The following CACNA1I variants were observed in gnomAD, a reference collection of about 807,000 sequenced individuals.
CACNA1I encodes the protein voltage-dependent T-type calcium channel subunit alpha-1I.
CACNA1I carries 74 observed loss-of-function variants against 201.6 expected under a neutral mutation model. The observed-to-expected ratio is 0.37, with a 90% CI of 0.30 to 0.45. CACNA1I has a LOEUF of 0.45. Among genes scored for constraint, CACNA1I ranks in the 20% least tolerant of loss-of-function variants. The probability of loss-of-function intolerance (pLI) is 1.00; values close to 1 mark genes in which losing one functional copy is unlikely to be tolerated. For missense variants in CACNA1I, 2,346 were observed against 3,138.1 expected (o/e 0.75, Z 6.03); for synonymous variants, 1,431 against 1,345.2 (o/e 1.06, Z -1.40).
intron 3 of CACNA1I, 90 bp downstream of exon 3, chr22:39,600,743 G>A (rs1569055956): frequency 1.4e-6 from 2 of 1,433,224 alleles, no homozygotes; most frequent in East Asian, 2.6e-5. Context: ...TGGCGATGAA[G>A]GGGAATCACG....
intron 1 of CACNA1I, among the ~76,000 whole-genome samples, chr22:39,579,066 T>G (rs1030946463): frequency 1.3e-5 from 2 of 152,248 alleles, no homozygotes; most frequent in Admixed American, 6.5e-5. Context: ...AGTTGTTTGC[T>G]GCTAGCTTTG....
At chr22:39,644,877 A>G (rs939585688) in intron 7 of CACNA1I, among the ~76,000 whole-genome samples, 9 of 151,394 alleles carry the variant, frequency 5.9e-5, no homozygotes, top group African/African-American at 2.2e-4. Flanking sequence ...TTTTTGAGAC[A>G]GTGTCTTGCT....
At position 39,686,442 on chromosome 22, in the gene CACNA1I, C is replaced by T. The variant is rs907129777; in HGVS notation, c.*37C>T. The T allele has an allele frequency of 2.2e-5, 26 of 1,199,260 alleles. No homozygotes were observed. Among genetic ancestry groups the T allele is most frequent in the African/African-American group, 3.2e-5 (2 of 62,704 alleles). The allele number at this position is 1,199,260 out of a possible 1,614,324, so 74.3% of individuals were successfully genotyped here. ...GCCCCCGGCCGCCCACCGCCCGCCC[C>T]GTCTCACCTTCTTTACCTCAGGAGC... On this transcript the variant is annotated 3_prime_UTR_variant, in exon 37 of 37. Coordinates refer to ENST00000402142, the MANE Select transcript of CACNA1I (RefSeq NM_021096.4).
At chr22:39,575,812 T>A (rs1267569463) in intron 1 of CACNA1I, among the ~76,000 whole-genome samples, 2 of 151,824 alleles carry the variant, frequency 1.3e-5, no homozygotes, top group Non-Finnish European at 2.9e-5. Flanking sequence ...TCTCTCTCTG[T>A]CACCCAGGAT....
chr22:39,598,949 T>TG (rs1555902534), intron 2 of CACNA1I, among the ~76,000 whole-genome samples: 6 of 128,182 alleles, frequency 4.7e-5, no homozygotes, highest in Non-Finnish European at 1.0e-4. Flanking sequence ...GGGTTTTTTT[T>TG]TTTTTTTTTT....
chr22:39,588,530 C>T (rs920024185), intron 1 of CACNA1I, among the ~76,000 whole-genome samples: 42 of 151,878 alleles, frequency 2.8e-4, no homozygotes, highest in Admixed American at 7.9e-4. Flanking sequence ...GGACTACAGG[C>T]GCCCACCACC....
chr22:39,603,209 C>G (rs956585984), intron 3 of CACNA1I, among the ~76,000 whole-genome samples: 1 of 151,658 alleles, frequency 6.6e-6, no homozygotes, highest in Non-Finnish European at 1.5e-5. Flanking sequence ...TCTTCCATCT[C>G]TTCTTTGACT....
intron 1 of CACNA1I, among the ~76,000 whole-genome samples, chr22:39,596,411 G>A (rs1306577292): frequency 8.0e-5 from 4 of 50,048 alleles, no homozygotes; most frequent in African/African-American, 2.1e-4. Flanking sequence ...GAGATGGGGG[G>A]GCAGGGCGGA....
Position 39,668,330 on chromosome 22 carries a change from T to C in CACNA1I, c.4143T>C (p.Gly1381=), listed in dbSNP as rs1935259260. 6 of 1,613,438 alleles carry C rather than the reference T, an allele frequency of 3.7e-6. No individual in the cohort carries two copies. The South Asian group carries it at 4.4e-5, about 12-fold the overall frequency. The part of the protein sequence containing the change: ...MSLFVLASKD[G]WVNIMYNGLD... Reference sequence around the variant, plus strand: ...TCTTTGTCCTGGCATCCAAGGATGGTTGGGTGAACATCATGTACAATGGAC... The same window carrying C: ...TCTTTGTCCTGGCATCCAAGGATGGCTGGGTGAACATCATGTACAATGGAC... The change falls in exon 24 of 37, where the codon GGT becomes GGC. Residue 1381 remains glycine, a synonymous_variant. Transcript: ENST00000402142.
intron 3 of CACNA1I, among the ~76,000 whole-genome samples, chr22:39,602,117 G>A (rs1427119813): frequency 4.3e-5 from 5 of 116,530 alleles, no homozygotes; most frequent in African/African-American, 1.7e-4. Flanking sequence ...CTGTACCTAG[G>A]TTGGAGTGTG....
intron 27 of CACNA1I, 127 bp downstream of exon 27, chr22:39,672,435 C>T: frequency 1.4e-6 from 1 of 706,250 alleles, no homozygotes; most frequent in South Asian, 1.6e-5. Flanking sequence ...CACGGATGGA[C>T]AGGCACCCCA....
Position 39,629,265 on chromosome 22 carries a change from C to T in CACNA1I, c.581-5300C>T, listed in dbSNP as rs1261402668. On this transcript the variant is annotated intron_variant, in intron 4 of 36. Transcript: ENST00000402142. The surrounding 1 kb of genome is among the most constrained non-coding windows in gnomAD (Gnocchi z 4.8). ...CTGAACTCCAGACCCCAAGATCTGG[C>T]AAAGCGACTCCATGGGGATGTACCC... is the stretch of plus-strand genomic sequence containing the variant. Among the ~76,000 whole-genome samples the T allele has an allele frequency of 6.6e-6, 1 of 152,150 alleles. No homozygotes were observed. Among genetic ancestry groups the T allele is most frequent in the East Asian group, 1.9e-4 (1 of 5,174 alleles).
chr22:39,610,995 C>T (rs1001087621), intron 3 of CACNA1I, among the ~76,000 whole-genome samples: 7 of 152,102 alleles, frequency 4.6e-5, no homozygotes, highest in South Asian at 2.1e-4. Flanking sequence ...GGTGAAGGCT[C>T]ACCCCTGGCA....
chr22:39,571,118 G>T, intron 1 of CACNA1I, 130 bp downstream of exon 1: 1 of 780,556 alleles, frequency 1.3e-6, no homozygotes, highest in Non-Finnish European at 2.2e-6. Flanking sequence ...ACTGGGCCTT[G>T]GTGGTGGTGA....
At chr22:39,604,879 C>T (rs1448862109) in intron 3 of CACNA1I, among the ~76,000 whole-genome samples, 4 of 152,036 alleles carry the variant, frequency 2.6e-5, no homozygotes, top group Non-Finnish European at 5.9e-5. Context: ...GCTCAGCTGA[C>T]TTTTTTGCTG....
At chr22:39,635,754 T>A (rs1326583294) in intron 5 of CACNA1I, among the ~76,000 whole-genome samples, 1 of 151,868 alleles carries the variant, frequency 6.6e-6, no homozygotes, top group Non-Finnish European at 1.5e-5. Context: ...GAAGTCAGGG[T>A]AGTGTGAGCT....
At chr22:39,655,270 G>GC (rs136847) in intron 10 of CACNA1I, among the ~76,000 whole-genome samples, 97,561 of 151,932 alleles carry the variant, frequency 0.64, 32,609 homozygotes, top group East Asian at 0.99. Flanking sequence ...TTCCCGGGGG[G>GC]CAGCTGACCT....
At chr22:39,579,027 C>T (rs769662372) in intron 1 of CACNA1I, among the ~76,000 whole-genome samples, 39 of 152,260 alleles carry the variant, frequency 2.6e-4, no homozygotes, top group Non-Finnish European at 4.0e-4. Context: ...CTCAGCCCTA[C>T]GTGGGCCCTG....
chr22:39,603,022 C>T (rs1031039705), intron 3 of CACNA1I, among the ~76,000 whole-genome samples: 6 of 152,060 alleles, frequency 3.9e-5, no homozygotes, highest in Non-Finnish European at 7.4e-5. Flanking sequence ...GTTTGTGGTG[C>T]ACTCCTGTAG....
Sources: allele counts gnomAD v4.1 joint callset (sites outside exome capture counted in the v4.1 genomes callset), GRCh38; gene constraint gnomAD v4.1.1; non-coding constraint Gnocchi (gnomAD v3.1); transcripts MANE v1.5; gene names NCBI Gene and HGNC (gene_info 2026-07-23, HGNC 2026-07-21).